AGAP1: variants seen among roughly 807,000 people sequenced by gnomAD.
AGAP1 encodes ArfGAP with GTPase domain, ankyrin repeat and PH domain 1.
In AGAP1, 29 loss-of-function variants were observed where a neutral mutation model predicts 105.3. That is an observed-to-expected ratio of 0.28 (90% CI 0.21 to 0.38). AGAP1 has a LOEUF of 0.38. Ranked by LOEUF, AGAP1 falls within the 10% of genes least tolerant of loss-of-function variation. The pLI is 1.00. For missense variants in AGAP1, 998 were observed against 1,165.1 expected (o/e 0.86, Z 2.09); for synonymous variants, 509 against 485.9 (o/e 1.05, Z -0.63).
chr2:235,499,169 C>T (rs1326012429), intron 1 of AGAP1, among the ~76,000 whole-genome samples: 5 of 152,156 alleles, frequency 3.3e-5, no homozygotes, highest in Admixed American at 1.3e-4. Flanking sequence ...CCTCTGTCGC[C>T]GTGTGAGATT....
Position 235,900,435 on chromosome 2 carries a change from C to G in AGAP1, c.1156-8303C>G. ...CCCTCTGGAACTAAGACCCCTAGGC[C>G]AGCAGAACGTAATGTTGTGGGAACA... On this transcript the variant is annotated intron_variant, in intron 10 of 17. Coordinates refer to ENST00000304032, the MANE Select transcript of AGAP1 (RefSeq NM_001037131.3). The surrounding 1 kb of genome is among the most constrained non-coding windows in gnomAD (Gnocchi z 5.5). 6.6e-6 allele frequency among the ~76,000 whole-genome samples: 1 copy of G among 151,858 alleles called. No individual in the cohort carries two copies. Among genetic ancestry groups the G allele is most frequent in the Non-Finnish European group, 1.5e-5 (1 of 68,004 alleles).
At chr2:235,649,166 T>C (rs1947495608) in intron 1 of AGAP1, among the ~76,000 whole-genome samples, 1 of 152,076 alleles carries the variant, frequency 6.6e-6, no homozygotes, top group African/African-American at 2.4e-5. Context: ...AAGAGGTAAG[T>C]GAAGTCACTG....
At chr2:235,638,593 C>A (rs946222078) in intron 1 of AGAP1, among the ~76,000 whole-genome samples, 2 of 152,118 alleles carry the variant, frequency 1.3e-5, no homozygotes, top group African/African-American at 4.8e-5. Flanking sequence ...TGTATATATG[C>A]CCAGAAAAAA....
intron 13 of AGAP1, among the ~76,000 whole-genome samples, chr2:235,987,236 T>C (rs1245581179): frequency 6.6e-6 from 1 of 152,078 alleles, no homozygotes; most frequent in Non-Finnish European, 1.5e-5. Context: ...TGGTAGGATG[T>C]ATGTGTCTAG....
chr2:235,544,626 AG>A (rs1257992760), intron 1 of AGAP1, among the ~76,000 whole-genome samples: 2 of 150,544 alleles, frequency 1.3e-5, no homozygotes, highest in Non-Finnish European at 3.0e-5. Flanking sequence ...AAGGTGGGAC[AG>A]TGCAGCTTGG....
intron 1 of AGAP1, among the ~76,000 whole-genome samples, chr2:235,668,789 C>T (rs1948215661): frequency 6.6e-6 from 1 of 152,188 alleles, no homozygotes; most frequent in Non-Finnish European, 1.5e-5. Flanking sequence ...GAATGCCTGG[C>T]ACATAGGATT....
In AGAP1 at chr2:235,724,037, A is replaced by C. The variant is rs550895816; in HGVS notation, c.310+6393A>C. On this transcript the variant is annotated intron_variant, in intron 3 of 17. Coordinates refer to ENST00000304032, the MANE Select transcript of AGAP1 (RefSeq NM_001037131.3). The surrounding 1 kb of genome is among the most constrained non-coding windows in gnomAD (Gnocchi z 4.9). ...GCTGCCGCCACACAGAGGGATTTGC[A>C]GGGAAGGGCCTTAGCCAGGCATGAT... Among the ~76,000 whole-genome samples the C allele has an allele frequency of 1.6e-3, 251 of 152,324 alleles. No individual in the cohort carries two copies. Among genetic ancestry groups the C allele is most frequent in the African/African-American group, 5.7e-3 (239 of 41,572 alleles).
At chr2:235,735,912 G>A (rs1444517219) in intron 3 of AGAP1, among the ~76,000 whole-genome samples, 3 of 151,938 alleles carry the variant, frequency 2.0e-5, no homozygotes, top group Admixed American at 6.6e-5. Context: ...CAAGTAGCTC[G>A]GGCGAGGTGA....
intron 13 of AGAP1, among the ~76,000 whole-genome samples, chr2:235,975,523 G>T (rs1195136404): frequency 1.3e-5 from 2 of 152,176 alleles, no homozygotes; most frequent in Non-Finnish European, 2.9e-5. Flanking sequence ...TAACAAGGTT[G>T]TAAGAGTCTT....
intron 13 of AGAP1, among the ~76,000 whole-genome samples, chr2:235,984,955 T>C (rs2055249494): frequency 1.3e-5 from 2 of 152,224 alleles, no homozygotes; most frequent in African/African-American, 4.8e-5. Context: ...TATATTCCTT[T>C]GGGTATATAC....
In AGAP1 at chr2:235,556,360, G is replaced by C. The variant is rs1034468824; in HGVS notation, c.163+61511G>C. Among the ~76,000 whole-genome samples, 1 of 152,238 alleles carries C rather than the reference G, an allele frequency of 6.6e-6. No homozygotes were observed. Among genetic ancestry groups the C allele is most frequent in the African/African-American group, 2.4e-5 (1 of 41,468 alleles). Reference sequence around the variant, plus strand: ...TCTGGGGCTACCCTTTGCTCCAGTGGCTACAGAAGAGAGAGGAGGGACACT... The same window carrying C: ...TCTGGGGCTACCCTTTGCTCCAGTGCCTACAGAAGAGAGAGGAGGGACACT... On this transcript the variant is annotated intron_variant, in intron 1 of 17. Transcript: ENST00000304032. This position sits in a 1 kb window ranked among gnomAD's most constrained non-coding sequence, Gnocchi z 5.3.
At chr2:236,030,350 T>C (rs1156566352) in intron 13 of AGAP1, among the ~76,000 whole-genome samples, 1 of 152,184 alleles carries the variant, frequency 6.6e-6, no homozygotes, top group Non-Finnish European at 1.5e-5. Flanking sequence ...ATCTGCTGTC[T>C]TGTTTGCAGT....
rs1161456040 is a variant in AGAP1, at chr2:235,756,796, A to T, written c.673+6308A>T. ...TGCATGCGTGAGATCTAGGTTACGC[A>T]TTCCTTAGGAGACTCTAATGCCTGA... On this transcript the variant is annotated intron_variant, in intron 6 of 17. Transcript: ENST00000304032. Among the ~76,000 whole-genome samples the T allele has an allele frequency of 2.0e-5, 3 of 152,120 alleles. No individual in the cohort carries two copies. The East Asian group carries it at 5.8e-4, about 29-fold the overall frequency.
At position 235,824,964 on chromosome 2, in the gene AGAP1, G is replaced by A. The variant is rs762903724; in HGVS notation, c.1050+17633G>A. Among the ~76,000 whole-genome samples the A allele has an allele frequency of 6.6e-6, 1 of 152,162 alleles. No individual in the cohort carries two copies. The highest frequency in any genetic ancestry group is 2.4e-5 in the African/African-American group (1 of 41,406). On this transcript the variant is annotated intron_variant, in intron 9 of 17. Coordinates refer to ENST00000304032, the MANE Select transcript of AGAP1 (RefSeq NM_001037131.3). The surrounding 1 kb of genome is among the most constrained non-coding windows in gnomAD (Gnocchi z 5.2). ...GGAAACCTTCCTTTTTTTATCAACA[G>A]TGGAGGAGATTCAGGAGACTTGATT...
chr2:235,691,977 AT>A lies in AGAP1; in HGVS notation c.164-17200del, dbSNP rs1305358951. 6.6e-6 allele frequency among the ~76,000 whole-genome samples: 1 copy of A among 152,224 alleles called. No homozygotes were observed. Among genetic ancestry groups the A allele is most frequent in the Non-Finnish European group, 1.5e-5 (1 of 68,036 alleles). On this transcript the variant is annotated intron_variant, in intron 1 of 17. Coordinates refer to ENST00000304032, the MANE Select transcript of AGAP1 (RefSeq NM_001037131.3). The surrounding 1 kb of genome is among the most constrained non-coding windows in gnomAD (Gnocchi z 4.4). ...AGAAATAACAGCATCACGATAGCACATTCTCTAGTTGCTGGTTATCTAGTTA... is the reference window on the plus strand; with the variant it reads ...AGAAATAACAGCATCACGATAGCACATCTCTAGTTGCTGGTTATCTAGTTA...
chr2:235,583,498 A>G (rs957189857), intron 1 of AGAP1, among the ~76,000 whole-genome samples: 9 of 151,016 alleles, frequency 6.0e-5, no homozygotes, highest in African/African-American at 2.0e-4. Flanking sequence ...ACTCAGCCTC[A>G]TACTCAGCCT....
In AGAP1 at chr2:235,723,600, C is replaced by T. The variant is rs1454780316; in HGVS notation, c.310+5956C>T. ...AGGCACCCTGGGCCATGGGCCCTCC[C>T]GAGCTGTGCAGGTTAGCTTGTGTGC... On this transcript the variant is annotated intron_variant, in intron 3 of 17. Coordinates refer to ENST00000304032, the MANE Select transcript of AGAP1 (RefSeq NM_001037131.3). This position sits in a 1 kb window ranked among gnomAD's most constrained non-coding sequence, Gnocchi z 6.2. Among the ~76,000 whole-genome samples, 5 of 152,220 alleles carry T rather than the reference C, an allele frequency of 3.3e-5. No individual in the cohort carries two copies. Among genetic ancestry groups the T allele is most frequent in the Non-Finnish European group, 7.3e-5 (5 of 68,042 alleles).
At chr2:235,826,354 A>G (rs957772648) in intron 9 of AGAP1, among the ~76,000 whole-genome samples, 16 of 152,324 alleles carry the variant, frequency 1.1e-4, no homozygotes, top group Middle Eastern at 3.4e-3. Flanking sequence ...AGGAAAGGTA[A>G]CCATCAGCTG....
rs1464638884 is a variant in AGAP1, at chr2:235,974,545, T to C, written c.1645+5922T>C. On this transcript the variant is annotated intron_variant, in intron 13 of 17. Transcript: ENST00000304032. ...TATTTTATCCTTCTCATCTTGTTCCTTTGGTTGTTCATTCTGGTCTTTATC... is the reference window on the plus strand; with the variant it reads ...TATTTTATCCTTCTCATCTTGTTCCCTTGGTTGTTCATTCTGGTCTTTATC... Among the ~76,000 whole-genome samples, 4 of 152,242 alleles carry C rather than the reference T, an allele frequency of 2.6e-5. No homozygotes were observed. In the East Asian group the frequency reaches 7.7e-4, roughly 29 times the overall value.
Sources: allele counts gnomAD v4.1 joint callset (sites outside exome capture counted in the v4.1 genomes callset), GRCh38; gene constraint gnomAD v4.1.1; non-coding constraint Gnocchi (gnomAD v3.1); transcripts MANE v1.5; gene names NCBI Gene and HGNC (gene_info 2026-07-23, HGNC 2026-07-21).